The following KCNIP4 variants were observed in gnomAD, a reference collection of about 807,000 sequenced individuals.
KCNIP4 encodes the protein potassium voltage-gated channel interacting protein 4.
In KCNIP4, 12 loss-of-function variants were observed where a neutral mutation model predicts 34.0. The ratio of observed to expected loss-of-function variants is 0.35; its 90% CI spans 0.23 to 0.57. The LOEUF (loss-of-function observed/expected upper bound fraction) is 0.57, where lower values mean the gene tolerates loss of function less well. KCNIP4 is among the 20% of genes least tolerant of loss of function. The probability of loss-of-function intolerance (pLI) is 0.83; values close to 1 mark genes in which losing one functional copy is unlikely to be tolerated. For synonymous variants in KCNIP4, 124 were observed against 102.2 expected (o/e 1.21, Z -1.29); for missense variants, 238 against 311.7 (o/e 0.76, Z 1.78).
chr4:21,261,687 C>T (rs1273840084), intron 1 of KCNIP4, among the ~76,000 whole-genome samples: 1 of 152,168 alleles, frequency 6.6e-6, no homozygotes, highest in Non-Finnish European at 1.5e-5. Flanking sequence ...TTCATTCTCT[C>T]CCTCATACAC....
At chr4:21,673,300 A>G (rs1037920822) in intron 1 of KCNIP4, among the ~76,000 whole-genome samples, 1 of 152,198 alleles carries the variant, frequency 6.6e-6, no homozygotes, top group African/African-American at 2.4e-5. Context: ...AAATGACTCA[A>G]AAGTGTTATT....
At chr4:21,879,987 C>T (rs1476380183) in intron 1 of KCNIP4, among the ~76,000 whole-genome samples, 2 of 152,096 alleles carry the variant, frequency 1.3e-5, no homozygotes, top group Non-Finnish European at 2.9e-5. Context: ...CTTTCCCTTC[C>T]ACCATGATTG....
At chr4:21,395,266 C>A (rs961532004) in intron 1 of KCNIP4, among the ~76,000 whole-genome samples, 2 of 152,174 alleles carry the variant, frequency 1.3e-5, no homozygotes, top group African/African-American at 4.8e-5. Context: ...ACCACAGATT[C>A]CCTCTTGGGA....
chr4:21,126,634 A>AAAAAAAAAAAAAAAAAAG (rs1560746191), intron 1 of KCNIP4, among the ~76,000 whole-genome samples: 1 of 84,844 alleles, frequency 1.2e-5, no homozygotes, highest in African/African-American at 3.7e-5. Context: ...AAAAAAAAAG[A>AAAAAAAAAAAAAAAAAAG]AAAGAAAAAA....
At chr4:21,043,064 C>A (rs1742102847) in intron 1 of KCNIP4, among the ~76,000 whole-genome samples, 1 of 152,122 alleles carries the variant, frequency 6.6e-6, no homozygotes, top group Non-Finnish European at 1.5e-5. Flanking sequence ...GAGGAACATT[C>A]CATGTATTTC....
intron 1 of KCNIP4, among the ~76,000 whole-genome samples, chr4:21,519,545 C>T (rs1341414974): frequency 1.6e-5 from 1 of 61,026 alleles, no homozygotes; most frequent in Non-Finnish European, 3.4e-5. Flanking sequence ...TGTGTATATA[C>T]ACATATGTGT....
intron 1 of KCNIP4, among the ~76,000 whole-genome samples, chr4:21,470,206 A>G (rs1730343746): frequency 6.6e-6 from 1 of 152,156 alleles, no homozygotes; most frequent in South Asian, 2.1e-4. Flanking sequence ...AGGAGGCAAG[A>G]GATTAGCAAA....
intron 1 of KCNIP4, among the ~76,000 whole-genome samples, chr4:21,132,638 C>A (rs1435082847): frequency 6.6e-6 from 1 of 152,054 alleles, no homozygotes; most frequent in Admixed American, 6.6e-5. Context: ...TTCAGCAGAC[C>A]ACTGAAGTGC....
At chr4:21,355,125 C>T (rs561933803) in intron 1 of KCNIP4, among the ~76,000 whole-genome samples, 2 of 152,208 alleles carry the variant, frequency 1.3e-5, no homozygotes, top group East Asian at 3.9e-4. Context: ...CACAATGTAC[C>T]AGATTCTCTG....
intron 1 of KCNIP4, among the ~76,000 whole-genome samples, chr4:21,863,361 C>A (rs760983341): frequency 1.3e-5 from 2 of 150,710 alleles, no homozygotes; most frequent in South Asian, 4.2e-4. Context: ...AAGTAGATAG[C>A]AACAGCATTC....
chr4:21,817,499 C>CTTATGTT, intron 1 of KCNIP4, among the ~76,000 whole-genome samples: 1 of 152,174 alleles, frequency 6.6e-6, no homozygotes, highest in Non-Finnish European at 1.5e-5. Flanking sequence ...ATAAGGGTGA[C>CTTATGTT]TGCCTGCGGG....
At position 21,074,347 on chromosome 4, in the gene KCNIP4, C is replaced by T. The variant is rs188046600; in HGVS notation, c.62-191638G>A. Among the ~76,000 whole-genome samples, 1,396 of 152,310 alleles carry T rather than the reference C, an allele frequency of 9.2e-3. 13 individuals are homozygous for T. Among genetic ancestry groups the T allele is most frequent in the Non-Finnish European group, 0.012 (846 of 68,028 alleles). On this transcript the variant is annotated intron_variant, in intron 1 of 8. Transcript: ENST00000382152. ...ATTGGTCTATTCAGGGATTCAACTT[C>T]TTCCTGGTTTACTCTTGGGAGACTG...
At chr4:21,036,181 T>C (rs575615477) in intron 1 of KCNIP4, among the ~76,000 whole-genome samples, 1 of 152,354 alleles carries the variant, frequency 6.6e-6, no homozygotes, top group South Asian at 2.1e-4. Context: ...GCCTTCTACA[T>C]ATACTGTATT....
chr4:21,262,784 A>G (rs1464657051), intron 1 of KCNIP4, among the ~76,000 whole-genome samples: 1 of 152,148 alleles, frequency 6.6e-6, no homozygotes, highest in African/African-American at 2.4e-5. Context: ...AGTGAATCCC[A>G]TTTATTTTAT....
chr4:20,745,938 A>T lies in KCNIP4; in HGVS notation c.429+3724T>A, dbSNP rs73802308. ...TTAGAAAAATTCCCCCAACTAGTGTAAATTAGTTCAACCATTGTGGAAGAC... is the reference window on the plus strand; with the variant it reads ...TTAGAAAAATTCCCCCAACTAGTGTTAATTAGTTCAACCATTGTGGAAGAC... On this transcript the variant is annotated intron_variant, in intron 5 of 8. Coordinates refer to ENST00000382152, the MANE Select transcript of KCNIP4 (RefSeq NM_025221.6). Among the ~76,000 whole-genome samples the T allele has an allele frequency of 5.0e-3, 762 of 152,326 alleles. 8 individuals carry two copies. The highest frequency in any genetic ancestry group is 0.017 in the African/African-American group (707 of 41,576).
chr4:21,895,936 A>C (rs1337619104), intron 1 of KCNIP4, among the ~76,000 whole-genome samples: 1 of 152,148 alleles, frequency 6.6e-6, no homozygotes, highest in Non-Finnish European at 1.5e-5. Flanking sequence ...GGGTGATTCT[A>C]GGGTGCCTGA....
intron 1 of KCNIP4, among the ~76,000 whole-genome samples, chr4:21,221,369 A>G (rs1262182389): frequency 6.6e-6 from 1 of 152,186 alleles, no homozygotes; most frequent in Non-Finnish European, 1.5e-5. Context: ...TTATAAAAGG[A>G]AAGAGGTTTA....
chr4:21,441,685 C>T (rs571159034), intron 1 of KCNIP4, among the ~76,000 whole-genome samples: 63 of 152,208 alleles, frequency 4.1e-4, no homozygotes, highest in African/African-American at 1.3e-3. Flanking sequence ...CATCCTCCTA[C>T]GATTACTTTC....
intron 1 of KCNIP4, among the ~76,000 whole-genome samples, chr4:21,701,245 A>G (rs1167382884): frequency 6.6e-6 from 1 of 152,222 alleles, no homozygotes. Context: ...TATTTACCAG[A>G]GGATGAGAGG....
Sources: allele counts gnomAD v4.1 joint callset (sites outside exome capture counted in the v4.1 genomes callset), GRCh38; gene constraint gnomAD v4.1.1; transcripts MANE v1.5; gene names NCBI Gene and HGNC (gene_info 2026-07-23, HGNC 2026-07-21).